PIK3C2G: variants seen among roughly 807,000 people sequenced by gnomAD.
PIK3C2G encodes phosphatidylinositol-4-phosphate 3-kinase catalytic subunit type 2 gamma, also known as phosphatidylinositol 3-kinase C2 domain-containing subunit gamma.
In PIK3C2G, 168 loss-of-function variants were observed where a neutral mutation model predicts 181.1. The observed-to-expected ratio is 0.93, with a 90% CI of 0.82 to 1.05. The LOEUF (loss-of-function observed/expected upper bound fraction) is 1.05, where lower values mean the gene tolerates loss of function less well. PIK3C2G is among the 50% of genes least tolerant of loss of function. The pLI is 0.00. For missense variants in PIK3C2G, 1,869 were observed against 1,732.8 expected, an observed-to-expected ratio of 1.08 and a Z score of -1.40; for synonymous variants, 573 against 592.2, an observed-to-expected ratio of 0.97 and a Z score of 0.47.
intron 18 of PIK3C2G, among the ~76,000 whole-genome samples, chr12:18,425,382 A>ATTTT (rs1448480782): frequency 2.5e-4 from 24 of 95,906 alleles, no homozygotes; most frequent in African/African-American, 6.4e-4. Context: ...AAGGACAGAC[A>ATTTT]TTTCTTTTTT....
At chr12:18,370,784 C>G (rs1280434033) in intron 12 of PIK3C2G, among the ~76,000 whole-genome samples, 2 of 152,060 alleles carry the variant, frequency 1.3e-5, no homozygotes, top group African/African-American at 4.8e-5. Flanking sequence ...ATATTCTTTT[C>G]CAAATCTCCA....
chr12:18,263,924 G>A (rs1215424650), intron 1 of PIK3C2G, among the ~76,000 whole-genome samples: 10 of 151,824 alleles, frequency 6.6e-5, no homozygotes, highest in Admixed American at 5.3e-4. Flanking sequence ...CTTCATCTTA[G>A]AGAACATTTA....
rs148993901 is a variant in PIK3C2G at position 18,282,445 on chromosome 12, A to C, written c.364A>C (p.Lys122Gln). 1.7e-4 allele frequency: 279 copies of C among 1,605,258 alleles called. No individual in the cohort carries two copies. In the African/African-American group the frequency reaches 3.4e-3, roughly 19 times the overall value. ...SVLPKPQNTNKECSWGSPIGK... is the reference protein window; with the variant it reads ...SVLPKPQNTNQECSWGSPIGK... ...GTTACCAAAACCTCAAAATACGAAT[A>C]AAGAATGCTCCTGGGGAAGCCCCAT... The change falls in exon 2 of 33, where the codon AAA becomes CAA. Residue 122 changes from lysine to glutamine, a missense_variant. By Grantham distance (53) the Lys-to-Gln change is moderately conservative. Coordinates refer to ENST00000538779, the MANE Select transcript of PIK3C2G (RefSeq NM_001288772.2).
chr12:18,522,451 T>A (rs2136187115), intron 24 of PIK3C2G, among the ~76,000 whole-genome samples: 1 of 152,160 alleles, frequency 6.6e-6, no homozygotes, highest in East Asian at 1.9e-4. Context: ...GGTGATGAAC[T>A]CCATTAGCTT....
intron 21 of PIK3C2G, among the ~76,000 whole-genome samples, chr12:18,496,783 T>A (rs1941049625): frequency 6.6e-6 from 1 of 152,106 alleles, no homozygotes; most frequent in African/African-American, 2.4e-5. Context: ...TCAGAGTGAA[T>A]CTTTGGTGAA....
At chr12:18,266,736 G>A (rs1456783650) in intron 1 of PIK3C2G, among the ~76,000 whole-genome samples, 1 of 152,030 alleles carries the variant, frequency 6.6e-6, no homozygotes, top group Non-Finnish European at 1.5e-5. Context: ...TCTTAAGGCA[G>A]TTTGTCTTTA....
At chr12:18,673,634 A>AATAATATAAAC in the PIK3C2G span, among the ~76,000 whole-genome samples, 1 of 152,320 alleles carries the variant, frequency 6.6e-6, no homozygotes, top group Admixed American at 6.5e-5. Context: ...CGCATTAATT[A>AATAATATAAAC]TCTCATAGTT....
chr12:18,308,800 C>T (rs1359043501), intron 5 of PIK3C2G, among the ~76,000 whole-genome samples: 1 of 151,434 alleles, frequency 6.6e-6, no homozygotes, highest in Non-Finnish European at 1.5e-5. Flanking sequence ...AAATGATAAA[C>T]TTATTACACG....
At chr12:18,423,872 G>T in intron 17 of PIK3C2G, 73 bp from the exon 18 acceptor site, 1 of 842,324 alleles carries the variant, frequency 1.2e-6, no homozygotes, top group South Asian at 1.5e-5. Flanking sequence ...CTTTTCTCAA[G>T]CCTCTGAAGT....
intron 30 of PIK3C2G, among the ~76,000 whole-genome samples, chr12:18,599,072 C>T (rs1269058737): frequency 4.0e-5 from 6 of 151,792 alleles, no homozygotes; most frequent in Admixed American, 6.6e-5. Flanking sequence ...AGTTCAACCA[C>T]TGTGGAAGTC....
chr12:18,546,311 G>A lies in PIK3C2G; in HGVS notation c.3481-12G>A, dbSNP rs754125085. On this transcript the variant is annotated splice_polypyrimidine_tract_variant and intron_variant, in intron 25 of 32. Transcript: ENST00000538779. Reference sequence around the variant, plus strand: ...TCTTCTTTTTGCTTTGCTTGTTCTTGTTGTGGTTAAGATGCTGTATGCAGG... The same window carrying A: ...TCTTCTTTTTGCTTTGCTTGTTCTTATTGTGGTTAAGATGCTGTATGCAGG... 2 of 1,434,064 alleles carry A rather than the reference G, an allele frequency of 1.4e-6. No homozygotes were observed. Among genetic ancestry groups the A allele is most frequent in the South Asian group, 1.2e-5 (1 of 83,670 alleles). 88.8% of individuals were successfully genotyped at this position (1,434,064 alleles called of 1,614,324 possible). A position where few individuals can be genotyped will look rare whatever the true frequency, so the allele number is the denominator to read the frequency against.
intron 18 of PIK3C2G, among the ~76,000 whole-genome samples, chr12:18,477,267 A>G (rs1215747275): frequency 6.6e-6 from 1 of 152,150 alleles, no homozygotes; most frequent in Non-Finnish European, 1.5e-5. Context: ...GAGAGGACAC[A>G]ATTCAAAACA....
the PIK3C2G span, among the ~76,000 whole-genome samples, chr12:18,722,302 C>T: frequency 1.3e-5 from 2 of 152,044 alleles, no homozygotes; most frequent in Non-Finnish European, 2.9e-5. Flanking sequence ...TTTCCTCCAA[C>T]CCATCAGGAA....
intron 10 of PIK3C2G, among the ~76,000 whole-genome samples, chr12:18,344,838 T>C (rs912039214): frequency 3.3e-5 from 5 of 152,270 alleles, no homozygotes; most frequent in Non-Finnish European, 5.9e-5. Flanking sequence ...TGTCTTGGGT[T>C]CTTAATATGT....
chr12:18,428,968 T>C (rs1945997159), intron 18 of PIK3C2G, among the ~76,000 whole-genome samples: 1 of 152,192 alleles, frequency 6.6e-6, no homozygotes, highest in South Asian at 2.1e-4. Flanking sequence ...TAGTCAAGTA[T>C]TGAGTTGAGT....
chr12:18,624,997 TG>T (rs1949030121), intron 31 of PIK3C2G, among the ~76,000 whole-genome samples: 1 of 151,684 alleles, frequency 6.6e-6, no homozygotes, highest in African/African-American at 2.4e-5. Flanking sequence ...TGAGTTTTGT[TG>T]ATCTTTGTTT....
chr12:18,563,054 G>C (rs1592592582), intron 27 of PIK3C2G, among the ~76,000 whole-genome samples, 162 bp downstream of exon 27: 1 of 152,038 alleles, frequency 6.6e-6, no homozygotes, highest in Non-Finnish European at 1.5e-5. Flanking sequence ...ATGTTCCAAG[G>C]AAAAATCATA....
intron 18 of PIK3C2G, among the ~76,000 whole-genome samples, chr12:18,431,991 A>G (rs1475214002): frequency 1.3e-5 from 2 of 152,206 alleles, no homozygotes; most frequent in Non-Finnish European, 2.9e-5. Context: ...TGTACACAAT[A>G]ATCTGTAAAA....
Position 18,282,485 on chromosome 12 carries a change from GT to G in PIK3C2G, c.405del (p.Ala136LeufsTer9), listed in dbSNP as rs1177689575. 1.2e-5 allele frequency: 19 copies of G among 1,612,810 alleles called. No homozygotes were observed. ...GGAAGCCCCATAGGAAAACATCATG[GT>G]GCTGATGATTCCAGATTCAGTATTT... is the stretch of plus-strand genomic sequence containing the variant. ...SWGSPIGKHH[G>X]ADDSRFSILA... On this transcript the variant is annotated frameshift_variant, in exon 2 of 33. Coordinates refer to ENST00000538779, the MANE Select transcript of PIK3C2G (RefSeq NM_001288772.2). LOFTEE classifies it high-confidence loss of function.
Sources: allele counts gnomAD v4.1 joint callset (sites outside exome capture counted in the v4.1 genomes callset), GRCh38; gene constraint gnomAD v4.1.1; transcripts MANE v1.5; gene names NCBI Gene and HGNC (gene_info 2026-07-23, HGNC 2026-07-21).